Variants in USH2A observed in about 807,000 individuals in gnomAD.
The protein encoded by USH2A is Usher syndrome 2A (autosomal recessive, mild).
A neutral mutation model predicts 538.9 loss-of-function variants in USH2A; 443 were observed. The observed-to-expected ratio is 0.82, with a 90% CI of 0.76 to 0.89. The LOEUF (loss-of-function observed/expected upper bound fraction) is 0.89. Among genes scored for constraint, USH2A ranks in the 40% least tolerant of loss-of-function variants. The pLI is 0.00. For missense variants in USH2A, 6,633 were observed against 6,324.8 expected (o/e 1.05, Z -1.65); for synonymous variants, 2,413 against 2,273.5 (o/e 1.06, Z -1.75).
chr1:216,077,577 TTA>T (rs1301263260), intron 27 of USH2A, among the ~76,000 whole-genome samples: 2 of 148,878 alleles, frequency 1.3e-5, no homozygotes, highest in Non-Finnish European at 3.0e-5. Context: ...ATATATATAA[TTA>T]TATATATAAT....
At position 215,640,585 on chromosome 1, in the gene USH2A, G is replaced by T. The variant is rs2102635897; in HGVS notation, c.14941C>A (p.Leu4981Ile). The T allele has an allele frequency of 6.2e-7, 1 of 1,613,898 alleles. No individual in the cohort carries two copies. The highest frequency in any genetic ancestry group is 8.5e-7 in the Non-Finnish European group (1 of 1,179,998). The part of the protein sequence containing the change: ...RRVYSGLDTT[L>I]YIPRTADKTF... The stretch of plus-strand genomic sequence containing the variant: ...TTGTCCGCCGTTCTCGGTATGTAGA[G>T]GGTGGTGTCCAAGCCGCTGTACACG... Residue 4981 changes from leucine (L) to isoleucine (I), a missense_variant, in exon 68 of 72, where the codon CTC becomes ATC. Transcript: ENST00000307340.
At chr1:215,695,644 C>A (rs1005894597) in intron 61 of USH2A, among the ~76,000 whole-genome samples, 5 of 152,172 alleles carry the variant, frequency 3.3e-5, no homozygotes, top group Non-Finnish European at 7.3e-5. Flanking sequence ...AGAACCCAAG[C>A]CTGTACAGAA....
chr1:216,178,164 TA>T (rs2034428740), intron 20 of USH2A, among the ~76,000 whole-genome samples: 1 of 152,126 alleles, frequency 6.6e-6, no homozygotes, highest in African/African-American at 2.4e-5. Flanking sequence ...TAACTTTTAG[TA>T]AAAAAGAAAA....
intron 37 of USH2A, among the ~76,000 whole-genome samples, chr1:215,954,670 T>A (rs1025037324): frequency 6.6e-6 from 1 of 151,912 alleles, no homozygotes; most frequent in Non-Finnish European, 1.5e-5. Flanking sequence ...CATATGTAAC[T>A]AACCTGCACA....
At chr1:215,955,903 C>T (rs2102445704) in intron 37 of USH2A, among the ~76,000 whole-genome samples, 3 of 152,208 alleles carry the variant, frequency 2.0e-5, no homozygotes, top group Admixed American at 2.0e-4. Context: ...ATGATAAGGA[C>T]CCATCACCAT....
chr1:216,247,138 A>G lies in USH2A; in HGVS notation c.2256T>C (p.His752=), dbSNP rs111033281. 1,727 of 1,614,044 alleles carry G rather than the reference A, an allele frequency of 1.1e-3. 4 individuals carry two copies. The highest frequency in any genetic ancestry group is 1.8e-3 in the Admixed American group (111 of 60,006). ...VGCEPCQCNL[H]GSVNKFCNPH... ...GATTGCAGAATTTGTTCACTGAGCCATGGAGGTTACACTGGCAGGGCTCAC... is the reference window on the plus strand; with the variant it reads ...GATTGCAGAATTTGTTCACTGAGCCGTGGAGGTTACACTGGCAGGGCTCAC... The change falls in exon 13 of 72, where the codon CAT becomes CAC. Residue 752 remains histidine (H), a synonymous_variant. Coordinates refer to ENST00000307340, the MANE Select transcript of USH2A (RefSeq NM_206933.4).
intron 30 of USH2A, among the ~76,000 whole-genome samples, chr1:216,062,857 A>G (rs2031229813): frequency 6.6e-6 from 1 of 152,194 alleles, no homozygotes; most frequent in Non-Finnish European, 1.5e-5. Context: ...CAAGCTGAAG[A>G]AAGACCCAAA....
At position 216,250,953 on chromosome 1, in the gene USH2A, A is replaced by G; in HGVS notation, c.2117T>C (p.Ile706Thr). The change falls in exon 12 of 72, where the codon ATT becomes ACT. Residue 706 changes from isoleucine to threonine, a missense_variant. By Grantham distance (89) the Ile-to-Thr change is moderately conservative. Transcript: ENST00000307340. The stretch of plus-strand genomic sequence containing the variant: ...CTGGCCTGAATTTTGGTGACAGGTA[A>G]TATCTCCATCCACTGTCCCAGAGGT... The part of the protein sequence containing the change: ...CNTSGTVDGD[I>T]TCHQNSGQCK... The G allele has an allele frequency of 6.2e-7, 1 of 1,614,054 alleles. No homozygotes were observed. Among genetic ancestry groups the G allele is most frequent in the East Asian group, 2.2e-5 (1 of 44,828 alleles).
intron 38 of USH2A, among the ~76,000 whole-genome samples, chr1:215,918,195 G>A (rs1012762371): frequency 1.3e-5 from 2 of 152,052 alleles, no homozygotes; most frequent in Admixed American, 1.3e-4. Flanking sequence ...TAATATTCAA[G>A]TTTATTAATT....
intron 67 of USH2A, among the ~76,000 whole-genome samples, chr1:215,646,767 T>C (rs1354706313): frequency 1.3e-5 from 2 of 152,188 alleles, no homozygotes; most frequent in Non-Finnish European, 2.9e-5. Context: ...CCTGAGGTGA[T>C]TCACCCGCCT....
In USH2A at chr1:215,675,354, A is replaced by G. The variant is rs112120466; in HGVS notation, c.12557T>C (p.Ile4186Thr). Residue 4186 changes from isoleucine (I) to threonine (T), a missense_variant, in exon 63 of 72, where the codon ATT becomes ACT. Coordinates refer to ENST00000307340, the MANE Select transcript of USH2A (RefSeq NM_206933.4). The part of the protein sequence containing the change: ...SEPVNPNGKI[I>T]RYEVIRRCFE... Reference sequence around the variant, plus strand: ...GCATCTGCGAATCACTTCATAGCGAATTATTTTTCCATTTGGGTTAACAGG... The same window carrying G: ...GCATCTGCGAATCACTTCATAGCGAGTTATTTTTCCATTTGGGTTAACAGG... The G allele has an allele frequency of 3.1e-4, 502 of 1,614,108 alleles. 2 individuals carry two copies. In the African/African-American group the frequency reaches 5.8e-3, roughly 19 times the overall value.
At chr1:215,837,580 CCTACTAATT>C (rs1438705387) in intron 47 of USH2A, among the ~76,000 whole-genome samples, 1 of 151,972 alleles carries the variant, frequency 6.6e-6, no homozygotes, top group African/African-American at 2.4e-5. Context: ...CATTATCTGC[CCTACTAATT>C]TTACAGATTT....
intron 3 of USH2A, among the ~76,000 whole-genome samples, chr1:216,373,041 T>C (rs1409663501): frequency 6.6e-6 from 1 of 152,200 alleles, no homozygotes; most frequent in Non-Finnish European, 1.5e-5. Context: ...TTGTCTCCCA[T>C]GTTTATAAAG....
rs768281277 is a variant in USH2A, at chr1:216,277,992, T to G, written c.1971+11288A>C. Among the ~76,000 whole-genome samples the G allele has an allele frequency of 1.4e-4, 21 of 151,192 alleles. No individual in the cohort carries two copies. The South Asian group carries it at 1.9e-3, about 14-fold the overall frequency. ...GTTTTGGCCACTAGATATTTGGGGGTTTGTTACATCTGTTTAGCCTATTCT... is the reference window on the plus strand; with the variant it reads ...GTTTTGGCCACTAGATATTTGGGGGGTTGTTACATCTGTTTAGCCTATTCT... On this transcript the variant is annotated intron_variant, in intron 11 of 71. Coordinates refer to ENST00000307340, the MANE Select transcript of USH2A (RefSeq NM_206933.4).
intron 37 of USH2A, among the ~76,000 whole-genome samples, chr1:215,947,680 G>A (rs1213042806): frequency 6.6e-6 from 1 of 152,158 alleles, no homozygotes; most frequent in Non-Finnish European, 1.5e-5. Flanking sequence ...GTTACAAGAA[G>A]GAGTGCGTTG....
intron 21 of USH2A, among the ~76,000 whole-genome samples, chr1:216,151,208 T>C (rs2033824979): frequency 6.6e-6 from 1 of 152,160 alleles, no homozygotes; most frequent in Non-Finnish European, 1.5e-5. Flanking sequence ...GCTGCCGCCC[T>C]AGGTGGATCC....
chr1:215,714,545 G>C (rs180882439), intron 61 of USH2A, among the ~76,000 whole-genome samples: 78 of 152,168 alleles, frequency 5.1e-4, no homozygotes, highest in Admixed American at 5.1e-3. Flanking sequence ...TGGTTTCCTA[G>C]GTTTTTTCCC....
chr1:216,422,830 T>C (rs1433229797), intron 1 of USH2A, among the ~76,000 whole-genome samples: 1 of 151,090 alleles, frequency 6.6e-6, no homozygotes, highest in Non-Finnish European at 1.5e-5. Context: ...TATATAATTA[T>C]TAATAATATA....
At chr1:216,155,839 A>C (rs1463093835) in intron 21 of USH2A, among the ~76,000 whole-genome samples, 1 of 152,184 alleles carries the variant, frequency 6.6e-6, no homozygotes, top group Admixed American at 6.5e-5. Context: ...CCATTCAGCT[A>C]TGCTAATTCT....
Sources: allele counts gnomAD v4.1 joint callset (sites outside exome capture counted in the v4.1 genomes callset), GRCh38; gene constraint gnomAD v4.1.1; transcripts MANE v1.5; gene names NCBI Gene and HGNC (gene_info 2026-07-23, HGNC 2026-07-21).